Variants in CBY1 observed in about 807,000 individuals in gnomAD.
CBY1 encodes the protein chibby 1, beta catenin antagonist.
CBY1 carries 10 observed loss-of-function variants against 15.6 expected under a neutral mutation model. The observed-to-expected ratio is 0.64, with a 90% CI of 0.40 to 1.09. The LOEUF (loss-of-function observed/expected upper bound fraction) is 1.09, where lower values mean the gene tolerates loss of function less well. Among genes scored for constraint, CBY1 ranks in the 50% least tolerant of loss-of-function variants. The pLI is 0.01. For missense variants in CBY1, 150 were observed against 160.5 expected (o/e 0.93, Z 0.35); for synonymous variants, 61 against 63.5 (o/e 0.96, Z 0.19).
At position 38,662,654 on chromosome 22, in the gene CBY1, C is replaced by A. The variant is rs182580468; in HGVS notation, c.-38-5363C>A. Among the ~76,000 whole-genome samples, 257 of 152,152 alleles carry A rather than the reference C, an allele frequency of 1.7e-3. 2 individuals are homozygous for A. The highest frequency in any genetic ancestry group is 2.6e-3 in the Admixed American group (40 of 15,260). On this transcript the variant is annotated intron_variant, in intron 1 of 4. Transcript: ENST00000216029. ...CACAGGCGTACACCACCATGCCCAG[C>A]TAATTTTTTGTATCTTTGGTAGAGA...
At chr22:38,659,607 C>A (rs564854993) in intron 1 of CBY1, among the ~76,000 whole-genome samples, 4 of 152,052 alleles carry the variant, frequency 2.6e-5, no homozygotes, top group Non-Finnish European at 4.4e-5. Flanking sequence ...TCACACCTGT[C>A]GTCCCAGCAC....
chr22:38,662,293 C>A (rs2092424285), intron 1 of CBY1, among the ~76,000 whole-genome samples: 1 of 140,232 alleles, frequency 7.1e-6, no homozygotes. Context: ...CAGAATGAGA[C>A]TCTGTCTCAA....
intron 2 of CBY1, among the ~76,000 whole-genome samples, chr22:38,669,122 A>AGGTACTTGTAAGCCTT (rs2092445328): frequency 6.6e-6 from 1 of 152,174 alleles, no homozygotes; most frequent in African/African-American, 2.4e-5. Context: ...ACATGCTGAC[A>AGGTACTTGTAAGCCTT]GGTACTTGTA....
In CBY1 at chr22:38,673,615, T is replaced by A. The variant is rs766624740; in HGVS notation, c.*379T>A. 3 of 214,070 alleles carry A rather than the reference T, an allele frequency of 1.4e-5. No individual in the cohort carries two copies. Among genetic ancestry groups the A allele is most frequent in the Non-Finnish European group, 2.9e-5 (3 of 102,084 alleles). The allele number at this position is 214,070 out of a possible 1,614,324, so 13.3% of individuals were successfully genotyped here. On this transcript the variant is annotated 3_prime_UTR_variant, in exon 5 of 5. Coordinates refer to ENST00000216029, the MANE Select transcript of CBY1 (RefSeq NM_015373.4). ...TTCTCTCACCCCCTTATGTTGGTGTTTGGCGTGTGACAGCAGTTCTACAGA... is the reference window on the plus strand; with the variant it reads ...TTCTCTCACCCCCTTATGTTGGTGTATGGCGTGTGACAGCAGTTCTACAGA...
In CBY1 at chr22:38,670,937, T is replaced by C. The variant is rs970080669; in HGVS notation, c.132T>C (p.Thr44=). The C allele has an allele frequency of 1.1e-5, 17 of 1,614,244 alleles. No individual in the cohort carries two copies. Among genetic ancestry groups the C allele is most frequent in the Non-Finnish European group, 1.3e-5 (15 of 1,180,040 alleles). Residue 44 remains threonine (T), a synonymous_variant, in exon 3 of 5, where the codon ACT becomes ACC. Coordinates refer to ENST00000216029, the MANE Select transcript of CBY1 (RefSeq NM_015373.4). ...TGGGCTTGGAATACGGATCCCCGAC[T>C]ATGAACCTGGCAGGGCAAAGCCTGA... ...VELGLEYGSP[T]MNLAGQSLKF...
intron 4 of CBY1, chr22:38,671,515 G>A: frequency 2.9e-6 from 1 of 339,312 alleles, no homozygotes; most frequent in Non-Finnish European, 5.6e-6. Context: ...ATAATGGCAG[G>A]AATAGAGGTT....
intron 1 of CBY1, among the ~76,000 whole-genome samples, chr22:38,664,847 GT>G (rs373632475): frequency 1.6e-4 from 24 of 148,682 alleles, no homozygotes; most frequent in Admixed American, 2.7e-4. Context: ...CTTAGCAGTA[GT>G]TTTTTTTTTT....
intron 1 of CBY1, among the ~76,000 whole-genome samples, chr22:38,663,043 C>T (rs960414464): frequency 6.6e-6 from 1 of 151,980 alleles, no homozygotes; most frequent in African/African-American, 2.4e-5. Flanking sequence ...TTGCTTGAAC[C>T]CAGGAAGCAG....
intron 4 of CBY1, among the ~76,000 whole-genome samples, chr22:38,672,051 C>T (rs1031535221): frequency 6.6e-6 from 1 of 151,338 alleles, no homozygotes; most frequent in East Asian, 2.0e-4. Flanking sequence ...GTCACAAGGT[C>T]AGGAGTTCGA....
rs1365019557 is a variant in CBY1 at position 38,670,932 on chromosome 22, C to T, written c.127C>T (p.Pro43Ser). ...GGAGCTGGGCTTGGAATACGGATCC[C>T]CGACTATGAACCTGGCAGGGCAAAG... ...EVELGLEYGS[P>S]TMNLAGQSLK... Residue 43 changes from proline to serine, a missense_variant, in exon 3 of 5, where the codon CCG (proline) becomes TCG (serine). Transcript: ENST00000216029. 1 of 1,614,072 alleles carries T rather than the reference C, an allele frequency of 6.2e-7. No individual in the cohort carries two copies. Among genetic ancestry groups the T allele is most frequent in the Non-Finnish European group, 8.5e-7 (1 of 1,180,052 alleles).
intron 2 of CBY1, among the ~76,000 whole-genome samples, chr22:38,669,271 T>G (rs552409461): frequency 8.0e-4 from 122 of 152,258 alleles, no homozygotes; most frequent in African/African-American, 2.8e-3. Flanking sequence ...CCAGCTCTCC[T>G]TCCTGCCCTT....
intron 1 of CBY1, among the ~76,000 whole-genome samples, chr22:38,665,245 G>A (rs540353978): frequency 1.4e-4 from 22 of 152,100 alleles, no homozygotes; most frequent in African/African-American, 2.9e-4. Context: ...GGCAGATCAC[G>A]TGAGCCCAAG....
Position 38,673,273 on chromosome 22 carries a change from C to G in CBY1, c.*37C>G, listed in dbSNP as rs753290059. Reference sequence around the variant, plus strand: ...ACATTTATTGGGGAGTAGGATGTGGCTGAGTGCTTTTTTTTTGGCCAGACT... The same window carrying G: ...ACATTTATTGGGGAGTAGGATGTGGGTGAGTGCTTTTTTTTTGGCCAGACT... On this transcript the variant is annotated 3_prime_UTR_variant, in exon 5 of 5. Coordinates refer to ENST00000216029, the MANE Select transcript of CBY1 (RefSeq NM_015373.4). 1 of 1,433,060 alleles carries G rather than the reference C, an allele frequency of 7.0e-7. No individual in the cohort carries two copies. Among genetic ancestry groups the G allele is most frequent in the South Asian group, 1.1e-5 (1 of 87,252 alleles). The allele number at this position is 1,433,060 out of a possible 1,614,324, so 88.8% of individuals were successfully genotyped here.
chr22:38,668,101 G>A lies in CBY1; in HGVS notation c.47G>A (p.Arg16Gln), dbSNP rs771940366. 5.6e-6 allele frequency: 9 copies of A among 1,613,216 alleles called. No individual in the cohort carries two copies. Among genetic ancestry groups the A allele is most frequent in the Non-Finnish European group, 6.8e-6 (8 of 1,179,388 alleles). The change falls in exon 2 of 5, where the codon CGG becomes CAG. Residue 16 changes from arginine (R) to glutamine (Q), a missense_variant. Transcript: ENST00000216029. ...NTFSPKKTPP[R>Q]KSASLSNLHS... is the part of the protein sequence containing the mutation. The stretch of plus-strand genomic sequence containing the variant: ...TTCAGTCCGAAGAAGACACCTCCTC[G>A]GAAGTCGGCATCTCTCTCCAACCTG...
In CBY1 at chr22:38,670,899, C is replaced by T. The variant is rs367694267; in HGVS notation, c.94C>T (p.Arg32Trp). ...SNLHSLDRST[R>W]EVELGLEYGS... ...TCGCCCACAGTTGGATCGATCAACC[C>T]GGGAGGTGGAGCTGGGCTTGGAATA... The change falls in exon 3 of 5, where the codon CGG becomes TGG. Residue 32 changes from arginine to tryptophan, a missense_variant. Transcript: ENST00000216029. 2.8e-5 allele frequency: 45 copies of T among 1,613,896 alleles called. No homozygotes were observed. In the Admixed American group the frequency reaches 3.5e-4, roughly 13 times the overall value.
At chr22:38,667,818 A>G (rs150486101) in intron 1 of CBY1, 199 bp from the exon 2 acceptor site, 135 of 539,462 alleles carry the variant, frequency 2.5e-4, no homozygotes, top group Middle Eastern at 2.0e-3. Flanking sequence ...ATGAGAGCAG[A>G]GCTCACATGG....
At chr22:38,671,269 T>C (rs2092451761) in intron 4 of CBY1, 81 bp downstream of exon 4, 1 of 1,056,700 alleles carries the variant, frequency 9.5e-7, no homozygotes, top group Non-Finnish European at 1.5e-6. Context: ...CCAACAGATA[T>C]CTCCTCAATG....
chr22:38,659,583 C>T (rs1019968622), intron 1 of CBY1, among the ~76,000 whole-genome samples: 2 of 151,970 alleles, frequency 1.3e-5, no homozygotes, highest in Non-Finnish European at 2.9e-5. Context: ...AATGTGCTGG[C>T]CGGGCACGGT....
At chr22:38,657,083 C>A in intron 1 of CBY1, 10 of 978,522 alleles carry the variant, frequency 1.0e-5, no homozygotes, top group Non-Finnish European at 1.1e-5. Context: ...TTGGGGGACA[C>A]GTATATCTTT....
Sources: allele counts gnomAD v4.1 joint callset (sites outside exome capture counted in the v4.1 genomes callset), GRCh38; gene constraint gnomAD v4.1.1; transcripts MANE v1.5; gene names NCBI Gene and HGNC (gene_info 2026-07-23, HGNC 2026-07-21).